The following PROCR variants were observed in gnomAD, a reference collection of about 807,000 sequenced individuals.
The protein encoded by PROCR is protein C receptor.
Under a neutral mutation model 24.2 loss-of-function variants are expected in PROCR, and 22 were observed. That is an observed-to-expected ratio of 0.91 (90% confidence interval 0.65 to 1.30). The LOEUF (loss-of-function observed/expected upper bound fraction) is 1.30, where lower values mean the gene tolerates loss of function less well. Ranked by LOEUF, PROCR falls within the 50% of genes most tolerant of loss-of-function variation. The pLI is 0.00. For synonymous variants in PROCR, 137 were observed against 139.2 expected (o/e 0.98, Z 0.11); for missense variants, 288 against 307.7 (o/e 0.94, Z 0.48).
At chr20:35,174,454 C>A in intron 1 of PROCR, 1 of 556,112 alleles carries the variant, frequency 1.8e-6, no homozygotes, top group Non-Finnish European at 3.2e-6. Context: ...AAAAAGGAGG[C>A]AGAAAGGAGT....
At chr20:35,194,041 G>C (rs2086195560) in intron 1 of PROCR, among the ~76,000 whole-genome samples, 2 of 152,190 alleles carry the variant, frequency 1.3e-5, no homozygotes, top group African/African-American at 4.8e-5. Flanking sequence ...TGAAAAAAGT[G>C]TTCTAAGGAG....
At chr20:35,184,631 TG>T (rs1328807620) in intron 1 of PROCR, among the ~76,000 whole-genome samples, 3 of 151,606 alleles carry the variant, frequency 2.0e-5, no homozygotes, top group Admixed American at 6.6e-5. Context: ...ACCCAGGAGG[TG>T]GAGCTTGCAG....
At chr20:35,195,197 G>A (rs558364674) in intron 1 of PROCR, 1 of 152,298 alleles carries the variant, frequency 6.6e-6, no homozygotes, top group South Asian at 2.1e-4. Context: ...GAGCTCATTA[G>A]TAGAATGGAG....
rs1399226576 is a variant in PROCR at position 35,177,039 on chromosome 20, C to G, written c.*226C>G. 7.5e-7 allele frequency: 1 copy of G among 1,341,488 alleles called. No individual in the cohort carries two copies. Among genetic ancestry groups the G allele is most frequent in the Non-Finnish European group, 9.6e-7 (1 of 1,040,918 alleles). 83.1% of individuals were successfully genotyped at this position (1,341,488 alleles called of 1,614,324 possible). ...AGAACCTAAGAACGTGTATGCTTTG[C>G]TGAATTAGTCTGATAAGTGAATGTT... On this transcript the variant is annotated 3_prime_UTR_variant, in exon 4 of 4. Transcript: ENST00000216968.
chr20:35,175,327 AC>A (rs1568590694), intron 2 of PROCR, among the ~76,000 whole-genome samples: 1 of 63,174 alleles, frequency 1.6e-5, no homozygotes, highest in Non-Finnish European at 3.2e-5. Flanking sequence ...CCAGCACTTC[AC>A]CCCCCACCCT....
chr20:35,194,785 C>T (rs1292508841), intron 1 of PROCR, among the ~76,000 whole-genome samples: 1 of 151,704 alleles, frequency 6.6e-6, no homozygotes, highest in East Asian at 1.9e-4. Flanking sequence ...GACACTGCAA[C>T]CACCCACAGC....
intron 1 of PROCR, among the ~76,000 whole-genome samples, chr20:35,173,755 T>C (rs1466078333): frequency 6.6e-6 from 1 of 152,134 alleles, no homozygotes; most frequent in Non-Finnish European, 1.5e-5. Flanking sequence ...AAATCATGAA[T>C]AAACTTCGCC....
rs1052196275 is a variant in PROCR, at chr20:35,209,484, G to A, written c.95-6409G>A. On this transcript the variant is annotated intron_variant, in intron 1 of 1. Coordinates refer to the PROCR transcript ENST00000634509. ...TGCTAGAAATAGAAAGTTGGGAGTT[G>A]TTGGGATACAGATTATATTTGAAAC... Among the ~76,000 whole-genome samples the A allele has an allele frequency of 3.9e-5, 6 of 152,254 alleles. No individual in the cohort carries two copies. The South Asian group carries it at 1.2e-3, about 32-fold the overall frequency.
intron 1 of PROCR, chr20:35,195,511 A>G (rs1389665245): frequency 6.6e-6 from 1 of 152,176 alleles, no homozygotes; most frequent in African/African-American, 2.4e-5. Flanking sequence ...AGTAAACGAG[A>G]ATAAATAAGA....
At chr20:35,173,146 T>C (rs2085966473) in intron 1 of PROCR, among the ~76,000 whole-genome samples, 1 of 152,168 alleles carries the variant, frequency 6.6e-6, no homozygotes, top group Non-Finnish European at 1.5e-5. Context: ...AACCCCGGAC[T>C]CATCCAAATG....
In PROCR at chr20:35,176,375, A is replaced by G. The variant is rs764944689; in HGVS notation, c.530A>G (p.Glu177Gly). 7 of 1,614,228 alleles carry G rather than the reference A, an allele frequency of 4.3e-6. No individual in the cohort carries two copies. Among genetic ancestry groups the G allele is most frequent in the Non-Finnish European group, 5.1e-6 (6 of 1,180,048 alleles). The change falls in exon 3 of 4, where the codon GAA becomes GGA. Residue 177 changes from glutamate (E) to glycine (G), a missense_variant. Physicochemically the swap from Glu to Gly is moderately conservative, Grantham distance 98 (BLOSUM62 -2). Coordinates refer to ENST00000216968, the MANE Select transcript of PROCR (RefSeq NM_006404.5). ...AATGCCTACAACCGCACTCGGTATG[A>G]ACTGCGGGAATTCCTGGAGGACACC... ...QLNAYNRTRY[E>G]LREFLEDTCV...
rs922624776 is a variant in PROCR at position 35,201,425 on chromosome 20, C to T, written c.95-14468C>T. On this transcript the variant is annotated intron_variant, in intron 1 of 1. Coordinates refer to the PROCR transcript ENST00000634509. Reference sequence around the variant, plus strand: ...AAAGATGGCTGGGTGCGGTGGCTCACGCCTGCAATCCCAGCACTTTGGGAG... The same window carrying T: ...AAAGATGGCTGGGTGCGGTGGCTCATGCCTGCAATCCCAGCACTTTGGGAG... 1.3e-4 allele frequency among the ~76,000 whole-genome samples: 20 copies of T among 152,200 alleles called. 1 individual carries two copies. The highest frequency in any genetic ancestry group is 1.2e-3 in the Admixed American group (19 of 15,278).
chr20:35,200,849 T>A (rs949201971), intron 1 of PROCR, among the ~76,000 whole-genome samples: 1 of 152,172 alleles, frequency 6.6e-6, no homozygotes, highest in Non-Finnish European at 1.5e-5. Flanking sequence ...GGTTTCACCA[T>A]GTTGGCCAAG....
chr20:35,174,854 G>A lies in PROCR; in HGVS notation c.223G>A (p.Glu75Lys). The change falls in exon 2 of 4, where the codon GAG becomes AAG. Residue 75 changes from glutamate to lysine, a missense_variant. Physicochemically the swap from Glu to Lys is moderately conservative, Grantham distance 56. Coordinates refer to ENST00000216968, the MANE Select transcript of PROCR (RefSeq NM_006404.5). ...TTIIQLQPLQ[E>K]PESWARTQSG... The stretch of plus-strand genomic sequence containing the variant: ...GATCATTCAGCTGCAGCCCTTGCAG[G>A]AGCCCGAGAGCTGGGCGCGCACGCA... The A allele has an allele frequency of 1.2e-6, 2 of 1,613,900 alleles. No homozygotes were observed. The highest frequency in any genetic ancestry group is 2.2e-5 in the South Asian group (2 of 91,064).
intron 1 of PROCR, among the ~76,000 whole-genome samples, chr20:35,208,112 A>G (rs1486508349): frequency 6.6e-6 from 1 of 152,138 alleles, no homozygotes; most frequent in Admixed American, 6.6e-5. Flanking sequence ...GAAGGGAAGG[A>G]AAAGCCGGCA....
chr20:35,189,300 G>A (rs1340414209), intron 1 of PROCR, among the ~76,000 whole-genome samples: 1 of 150,610 alleles, frequency 6.6e-6, no homozygotes, highest in Non-Finnish European at 1.5e-5. Flanking sequence ...CTCTGGAGGG[G>A]TGTCTGCCTT....
At chr20:35,205,806 T>C (rs1486406753) in intron 1 of PROCR, among the ~76,000 whole-genome samples, 1 of 140,796 alleles carries the variant, frequency 7.1e-6, no homozygotes, top group Non-Finnish European at 1.5e-5. Flanking sequence ...TACACACATA[T>C]ATATGTACAT....
intron 1 of PROCR, among the ~76,000 whole-genome samples, chr20:35,188,959 C>A (rs1376372905): frequency 2.0e-5 from 3 of 152,130 alleles, no homozygotes; most frequent in African/African-American, 7.2e-5. Flanking sequence ...TCTCTTAATC[C>A]CATCATCTTC....
intron 1 of PROCR, among the ~76,000 whole-genome samples, chr20:35,189,266 G>C (rs1050401171): frequency 3.7e-5 from 2 of 53,550 alleles, no homozygotes; most frequent in Non-Finnish European, 6.3e-5. Context: ...AACGCATTCC[G>C]GGGGGGGGCC....
Sources: allele counts gnomAD v4.1 joint callset (sites outside exome capture counted in the v4.1 genomes callset), GRCh38; gene constraint gnomAD v4.1.1; transcripts MANE v1.5; gene names NCBI Gene and HGNC (gene_info 2026-07-23, HGNC 2026-07-21).